The following CDH13 variants were observed in gnomAD, a reference collection of about 807,000 sequenced individuals.
The protein encoded by CDH13 is cadherin-13.
A neutral mutation model predicts 63.8 loss-of-function variants in CDH13; 24 were observed. The observed-to-expected ratio is 0.38, with a 90% confidence interval of 0.27 to 0.53. The LOEUF (loss-of-function observed/expected upper bound fraction) is 0.53. CDH13 is among the 20% of genes least tolerant of loss of function. The probability of loss-of-function intolerance (pLI) is 0.85; values close to 1 mark genes in which losing one functional copy is unlikely to be tolerated. For synonymous variants in CDH13, 503 were observed against 355.3 expected, an observed-to-expected ratio of 1.42 and a Z score of -4.67; for missense variants, 1,049 against 903.1, an observed-to-expected ratio of 1.16 and a Z score of -2.07.
intron 7 of CDH13, among the ~76,000 whole-genome samples, chr16:83,560,139 T>C (rs1446286099): frequency 2.6e-5 from 4 of 152,166 alleles, no homozygotes; most frequent in Admixed American, 2.0e-4. Flanking sequence ...TGTTAGTCCC[T>C]GGACAAGAGC....
At chr16:82,977,132 C>T (rs1167359913) in intron 2 of CDH13, among the ~76,000 whole-genome samples, 2 of 152,218 alleles carry the variant, frequency 1.3e-5, no homozygotes, top group Non-Finnish European at 2.9e-5. Context: ...ACCAATGTGG[C>T]TCCTAAGTTC....
At chr16:83,140,407 T>C (rs1450034819) in intron 4 of CDH13, among the ~76,000 whole-genome samples, 2 of 152,234 alleles carry the variant, frequency 1.3e-5, no homozygotes, top group African/African-American at 4.8e-5. Flanking sequence ...ATCTACTGCC[T>C]CTGCAGGGAC....
At chr16:83,602,202 G>A (rs952046946) in intron 7 of CDH13, among the ~76,000 whole-genome samples, 4 of 129,498 alleles carry the variant, frequency 3.1e-5, no homozygotes, top group Admixed American at 2.5e-4. Flanking sequence ...TATATCAAAT[G>A]TCTCCCTAAA....
In CDH13 at chr16:83,232,545, C is replaced by CA. The variant is rs371820662; in HGVS notation, c.636+15051dup. Among the ~76,000 whole-genome samples, 301 of 107,966 alleles carry CA rather than the reference C, an allele frequency of 2.8e-3. 1 individual carries two copies. Among genetic ancestry groups the CA allele is most frequent in the African/African-American group, 0.011 (286 of 26,574 alleles). 70.8% of individuals were successfully genotyped at this position (107,966 alleles called of 152,430 possible). On this transcript the variant is annotated intron_variant, in intron 5 of 13. Coordinates refer to ENST00000567109, the MANE Select transcript of CDH13 (RefSeq NM_001257.5). ...TCTCAAAAAACGACAACAACAACAA[C>CA]AAACAAACAAAAAAAAAAAAAAGTG...
intron 6 of CDH13, among the ~76,000 whole-genome samples, chr16:83,359,256 A>G (rs74034183): frequency 6.6e-6 from 1 of 152,148 alleles, no homozygotes; most frequent in Admixed American, 6.5e-5. Context: ...GACCTTAAAC[A>G]TGTTATCTTA....
At chr16:83,260,200 T>A (rs912000703) in intron 5 of CDH13, among the ~76,000 whole-genome samples, 2 of 151,970 alleles carry the variant, frequency 1.3e-5, no homozygotes, top group African/African-American at 4.8e-5. Context: ...CTTTGTAGTT[T>A]CTCTTCTACT....
chr16:83,284,670 A>T (rs540853014), intron 5 of CDH13, among the ~76,000 whole-genome samples: 2 of 152,196 alleles, frequency 1.3e-5, no homozygotes, highest in Non-Finnish European at 1.5e-5. Flanking sequence ...ACATAACATA[A>T]CATAGCGTAA....
intron 1 of CDH13, among the ~76,000 whole-genome samples, chr16:82,632,102 T>C (rs1908077118): frequency 6.6e-6 from 1 of 152,180 alleles, no homozygotes; most frequent in Non-Finnish European, 1.5e-5. Flanking sequence ...CACTTCAACA[T>C]GGCCGTACTT....
At chr16:82,853,812 C>T (rs1054520727) in intron 1 of CDH13, among the ~76,000 whole-genome samples, 5 of 152,092 alleles carry the variant, frequency 3.3e-5, no homozygotes, top group Admixed American at 1.3e-4. Flanking sequence ...ACTATGATTG[C>T]CGTGGCATTA....
intron 6 of CDH13, among the ~76,000 whole-genome samples, chr16:83,347,767 G>C (rs1171684788): frequency 6.6e-6 from 1 of 152,196 alleles, no homozygotes; most frequent in East Asian, 1.9e-4. Flanking sequence ...TAGCTGGTAA[G>C]AGGCTGCCAC....
chr16:83,169,111 A>G (rs556100105), intron 4 of CDH13, among the ~76,000 whole-genome samples: 3 of 152,068 alleles, frequency 2.0e-5, no homozygotes, highest in African/African-American at 7.2e-5. Flanking sequence ...AAATAACACT[A>G]TGGTATATGA....
intron 7 of CDH13, among the ~76,000 whole-genome samples, chr16:83,509,941 C>A (rs911038590): frequency 1.3e-5 from 2 of 152,142 alleles, no homozygotes; most frequent in African/African-American, 2.4e-5. Context: ...TGGCAAGACC[C>A]CGGACAGAGG....
rs2035764673 is a variant in CDH13, at chr16:83,125,366, CT to C, written c.367-15del. 1 of 1,304,754 alleles carries C rather than the reference CT, an allele frequency of 7.7e-7. No homozygotes were observed. Among genetic ancestry groups the C allele is most frequent in the African/African-American group, 1.5e-5 (1 of 68,952 alleles). 80.8% of individuals were successfully genotyped at this position (1,304,754 alleles called of 1,614,324 possible). A position where few individuals can be genotyped will look rare whatever the true frequency, so the allele number is the denominator to read the frequency against. Reference sequence around the variant, plus strand: ...TTTCAATGGGAGATTTTAATCAATCCTTTTGTTTTCCCTTTTAGGATATATT... The same window carrying C: ...TTTCAATGGGAGATTTTAATCAATCCTTTGTTTTCCCTTTTAGGATATATT... On this transcript the variant is annotated intron_variant, in intron 3 of 13. Coordinates refer to ENST00000567109, the MANE Select transcript of CDH13 (RefSeq NM_001257.5).
chr16:83,395,420 C>G (rs187747008), intron 6 of CDH13, among the ~76,000 whole-genome samples: 1 of 152,212 alleles, frequency 6.6e-6, no homozygotes, highest in Admixed American at 6.5e-5. Flanking sequence ...GTCATCCTGT[C>G]ATTTCCATCA....
intron 1 of CDH13, among the ~76,000 whole-genome samples, chr16:82,781,669 C>T (rs1408737569): frequency 6.6e-6 from 1 of 152,212 alleles, no homozygotes; most frequent in Non-Finnish European, 1.5e-5. Context: ...TCTATTCAAC[C>T]TTTCACATAT....
chr16:83,051,283 G>T (rs1024118459), intron 3 of CDH13, among the ~76,000 whole-genome samples: 1 of 152,106 alleles, frequency 6.6e-6, no homozygotes, highest in Non-Finnish European at 1.5e-5. Flanking sequence ...TATCTTCTAT[G>T]TTCACTGAAA....
At chr16:83,553,626 G>A (rs1221593837) in intron 7 of CDH13, among the ~76,000 whole-genome samples, 2 of 152,132 alleles carry the variant, frequency 1.3e-5, no homozygotes, top group Non-Finnish European at 2.9e-5. Context: ...GCACGGTCTT[G>A]GCTCACTGCA....
chr16:83,754,131 G>C (rs755501177), intron 11 of CDH13, among the ~76,000 whole-genome samples: 14 of 152,138 alleles, frequency 9.2e-5, no homozygotes, highest in Admixed American at 6.5e-5. Flanking sequence ...CTAAAGGACA[G>C]AGTGAAATCT....
intron 5 of CDH13, among the ~76,000 whole-genome samples, chr16:83,248,301 C>G (rs1254354007): frequency 1.3e-5 from 2 of 152,102 alleles, no homozygotes; most frequent in Non-Finnish European, 1.5e-5. Context: ...CAGGGGGGTA[C>G]ATAAAAATCC....
Sources: allele counts gnomAD v4.1 joint callset (sites outside exome capture counted in the v4.1 genomes callset), GRCh38; gene constraint gnomAD v4.1.1; transcripts MANE v1.5; gene names NCBI Gene and HGNC (gene_info 2026-07-23, HGNC 2026-07-21).